ARB2A: variants seen among roughly 807,000 people sequenced by gnomAD.
ARB2A encodes the protein cotranscriptional regulator ARB2A.
chr5:94,008,256 A>G, the ARB2A span, among the ~76,000 whole-genome samples: 1 of 152,222 alleles, frequency 6.6e-6, no homozygotes, highest in African/African-American at 2.4e-5. Context: ...AACAGGAATA[A>G]AAAGGATTAA....
chr5:94,055,560 A>G, the ARB2A span: 5 of 868,904 alleles, frequency 5.8e-6, no homozygotes, highest in South Asian at 2.7e-4. Flanking sequence ...CCAATATAAA[A>G]AAAAAGTTTG....
the ARB2A span, among the ~76,000 whole-genome samples, chr5:93,724,420 T>C: frequency 2.0e-5 from 3 of 152,034 alleles, no homozygotes; most frequent in South Asian, 2.1e-4. Context: ...CAAGACACCA[T>C]TGATTATAAG....
chr5:93,999,399 T>G, the ARB2A span, among the ~76,000 whole-genome samples: 1 of 152,090 alleles, frequency 6.6e-6, no homozygotes, highest in African/African-American at 2.4e-5. Flanking sequence ...AGTAATCTAT[T>G]GATGAATGCA....
the ARB2A span, chr5:93,805,978 G>A: frequency 4.1e-4 from 399 of 974,268 alleles, 1 homozygote; most frequent in Non-Finnish European, 4.7e-4. Context: ...CTCCACTCAT[G>A]AGATTATTTT....
the ARB2A span, among the ~76,000 whole-genome samples, chr5:93,911,899 C>T: frequency 6.6e-6 from 1 of 151,640 alleles, no homozygotes; most frequent in Non-Finnish European, 1.5e-5. Context: ...TATTAGCTCA[C>T]TCGGATTGTG....
At chr5:93,761,127 G>A in the ARB2A span, among the ~76,000 whole-genome samples, 582 of 152,302 alleles carry the variant, frequency 3.8e-3, 1 homozygote, top group Non-Finnish European at 6.5e-3. Context: ...CTCCCAGCAT[G>A]AGCGACGCAG....
At chr5:94,042,873 T>TACA in the ARB2A span, among the ~76,000 whole-genome samples, 1 of 152,146 alleles carries the variant, frequency 6.6e-6, no homozygotes, top group Non-Finnish European at 1.5e-5. Flanking sequence ...TATTACAAAA[T>TACA]TGTGTAAGAT....
At chr5:93,933,245 G>A in the ARB2A span, among the ~76,000 whole-genome samples, 9 of 152,266 alleles carry the variant, frequency 5.9e-5, no homozygotes, top group South Asian at 4.1e-4. Flanking sequence ...ACAGTGTGGC[G>A]ATTCCTCAAG....
At chr5:93,933,699 G>T in the ARB2A span, among the ~76,000 whole-genome samples, 1 of 152,060 alleles carries the variant, frequency 6.6e-6, no homozygotes, top group South Asian at 2.1e-4. Flanking sequence ...AATACCTAAT[G>T]CAGATGACAG....
chr5:93,859,014 C>A, the ARB2A span, among the ~76,000 whole-genome samples: 1 of 151,842 alleles, frequency 6.6e-6, no homozygotes, highest in Non-Finnish European at 1.5e-5. Context: ...TCTATAAAAT[C>A]TCAATAATTA....
At chr5:94,095,512 C>A in the ARB2A span, among the ~76,000 whole-genome samples, 1 of 151,924 alleles carries the variant, frequency 6.6e-6, no homozygotes, top group Non-Finnish European at 1.5e-5. Context: ...TCACTACAAT[C>A]AAATTTTTTC....
At chr5:94,045,814 C>T in the ARB2A span, among the ~76,000 whole-genome samples, 6 of 152,276 alleles carry the variant, frequency 3.9e-5, no homozygotes, top group East Asian at 1.2e-3. Context: ...CCTTTATTTA[C>T]TAACATTGCT....
the ARB2A span, among the ~76,000 whole-genome samples, chr5:93,975,665 C>A: frequency 1.3e-5 from 2 of 152,092 alleles, no homozygotes; most frequent in Non-Finnish European, 2.9e-5. Flanking sequence ...TCTCTATGCA[C>A]ACAGACTAGA....
At chr5:94,110,963 A>G in the ARB2A span, among the ~76,000 whole-genome samples, 1 of 152,178 alleles carries the variant, frequency 6.6e-6, no homozygotes, top group South Asian at 2.1e-4. Flanking sequence ...GAAAGAGAAG[A>G]CTGCTTCCAA....
the ARB2A span, among the ~76,000 whole-genome samples, chr5:93,759,897 G>A: frequency 6.6e-6 from 1 of 152,224 alleles, no homozygotes; most frequent in Admixed American, 6.5e-5. Context: ...TCCAGCCAGA[G>A]CAATCAGATA....
At chr5:93,729,183 A>AT in the ARB2A span, among the ~76,000 whole-genome samples, 5 of 151,908 alleles carry the variant, frequency 3.3e-5, no homozygotes, top group Non-Finnish European at 7.4e-5. Context: ...GTTCTTAAGA[A>AT]TGTTTCCATA....
chr5:93,872,885 C>A, the ARB2A span, among the ~76,000 whole-genome samples: 1 of 151,868 alleles, frequency 6.6e-6, no homozygotes, highest in Non-Finnish European at 1.5e-5. Context: ...CCACTGCACT[C>A]CAGCCTGGGC....
At chr5:93,769,697 T>C in the ARB2A span, among the ~76,000 whole-genome samples, 7 of 152,180 alleles carry the variant, frequency 4.6e-5, no homozygotes, top group Admixed American at 4.6e-4. Flanking sequence ...TTCATTCTTT[T>C]TTAAAATTAT....
the ARB2A span, chr5:93,804,919 A>G: frequency 1.0e-6 from 1 of 956,612 alleles, no homozygotes; most frequent in Non-Finnish European, 1.2e-6. Flanking sequence ...AAGTAACCAG[A>G]GATATATAAT....
Sources: gnomAD v4.1 joint callset for allele counts (sites outside exome capture counted in the v4.1 genomes callset) on GRCh38, gnomAD v4.1.1 for gene constraint, MANE v1.5 for transcripts, NCBI Gene and HGNC (gene_info 2026-07-23, HGNC 2026-07-21) for gene names.